Variants in SCARB2 observed in about 807,000 individuals in gnomAD.
SCARB2 encodes the protein scavenger receptor class B member 2, also known as lysosome membrane protein 2.
Under a neutral mutation model 58.6 loss-of-function variants are expected in SCARB2, and 29 were observed. The observed-to-expected ratio is 0.49, with a 90% confidence interval of 0.37 to 0.67. The LOEUF is 0.67. Ranked by LOEUF, SCARB2 falls within the 30% of genes least tolerant of loss-of-function variation. The probability of loss-of-function intolerance (pLI) is 0.00; values close to 1 mark genes in which losing one functional copy is unlikely to be tolerated. For missense variants in SCARB2, 488 were observed against 578.5 expected, an observed-to-expected ratio of 0.84 and a Z score of 1.60; for synonymous variants, 195 against 210.1, an observed-to-expected ratio of 0.93 and a Z score of 0.62.
intron 1 of SCARB2, among the ~76,000 whole-genome samples, chr4:76,196,420 G>T (rs1280176654): frequency 2.6e-5 from 4 of 152,180 alleles, no homozygotes; most frequent in African/African-American, 7.2e-5. Flanking sequence ...CACTTGGGCA[G>T]AAGCATGAAG....
intron 1 of SCARB2, among the ~76,000 whole-genome samples, chr4:76,202,774 T>C (rs1419097714): frequency 6.6e-6 from 1 of 152,264 alleles, no homozygotes; most frequent in Non-Finnish European, 1.5e-5. Context: ...ATATGTATTG[T>C]ATCATTTTTT....
chr4:76,208,379 G>A (rs1036307991), intron 1 of SCARB2, among the ~76,000 whole-genome samples: 11 of 152,358 alleles, frequency 7.2e-5, no homozygotes, highest in Admixed American at 5.9e-4. Context: ...AGAGAATCTT[G>A]CAAGGAAATT....
At chr4:76,226,407 G>GA (rs1733399304) in intron 1 of SCARB2, among the ~76,000 whole-genome samples, 1 of 152,180 alleles carries the variant, frequency 6.6e-6, no homozygotes, top group Admixed American at 6.5e-5. Context: ...ATCAATTTAT[G>GA]ATTTTGGGAG....
intron 9 of SCARB2, 85 bp downstream of exon 9, chr4:76,168,318 G>T: frequency 9.9e-7 from 1 of 1,014,592 alleles, no homozygotes; most frequent in Non-Finnish European, 1.6e-6. Flanking sequence ...AGATGAAGTA[G>T]GCTGTACTCC....
chr4:76,162,117 G>A (rs1004100786), intron 11 of SCARB2: 6 of 278,940 alleles, frequency 2.2e-5, no homozygotes, highest in Admixed American at 9.2e-5. Context: ...AATATATGAG[G>A]AAGGTTAATT....
chr4:76,176,474 G>A lies in SCARB2; in HGVS notation c.667C>T (p.Leu223Phe), dbSNP rs1472142413. The change falls in exon 5 of 12, where the codon CTT (leucine) becomes TTT (phenylalanine). Residue 223 changes from leucine to phenylalanine, a missense_variant. Coordinates refer to ENST00000264896, the MANE Select transcript of SCARB2 (RefSeq NM_005506.4). ...CATTCCACAATTTTTGTAAAGTTAA[G>A]GTAACTGTCTTCTCCAGTTAGAAAA... is the stretch of plus-strand genomic sequence containing the variant. ...YVFLTGEDSY[L>F]NFTKIVEWNG... 8.1e-6 allele frequency: 13 copies of A among 1,612,338 alleles called. No homozygotes were observed. The highest frequency in any genetic ancestry group is 1.3e-5 in the African/African-American group (1 of 74,878).
Position 76,161,354 on chromosome 4 carries a change from G to A in SCARB2, c.*359C>T, listed in dbSNP as rs1191790604. 1 of 307,244 alleles carries A rather than the reference G, an allele frequency of 3.3e-6. No individual in the cohort carries two copies. The highest frequency in any genetic ancestry group is 4.1e-5 in the South Asian group (1 of 24,378). The allele number at this position is 307,244 out of a possible 1,614,324, so 19.0% of individuals were successfully genotyped here. A position where few individuals can be genotyped will look rare whatever the true frequency, so the allele number is the denominator to read the frequency against. On this transcript the variant is annotated 3_prime_UTR_variant, in exon 12 of 12. Transcript: ENST00000264896. ...GTTCGGTGAATGAAGCATACTGAAT[G>A]AAGTTAGACCAGTAGCATTAACAAG... is the stretch of plus-strand genomic sequence containing the variant.
intron 10 of SCARB2, 125 bp downstream of exon 10, chr4:76,166,125 A>ATTAT (rs1250242697): frequency 1.6e-5 from 15 of 927,746 alleles, no homozygotes; most frequent in Non-Finnish European, 2.3e-5. Flanking sequence ...TTTTCTGAGG[A>ATTAT]ATAACAGGTT....
intron 1 of SCARB2, among the ~76,000 whole-genome samples, chr4:76,227,966 T>C (rs12505005): frequency 0.043 from 6,478 of 152,308 alleles, 179 homozygotes; most frequent in South Asian, 0.067. Flanking sequence ...ACCTGGTTAC[T>C]TGATTTTTAT....
At position 76,224,247 on chromosome 4, in the gene SCARB2, G is replaced by A. The variant is rs138154744; in HGVS notation, c.-358+10056C>T. 3.7e-4 allele frequency among the ~76,000 whole-genome samples: 57 copies of A among 152,250 alleles called. No homozygotes were observed. In the East Asian group the frequency reaches 7.3e-3, roughly 20 times the overall value. Reference sequence around the variant, plus strand: ...CACACATAGTTCATCCGAAATTCACGGGATAATTGGGCTGGCCATCTGTGT... The same window carrying A: ...CACACATAGTTCATCCGAAATTCACAGGATAATTGGGCTGGCCATCTGTGT... On this transcript the variant is annotated intron_variant, in intron 1 of 11. Coordinates refer to the SCARB2 transcript ENST00000638295.
rs370666555 is a variant in SCARB2, at chr4:76,175,799, G to C, written c.816C>G (p.Asp272Glu). ...ATCTTTAAAGCTTTTACCTGCAAAA[G>C]TCAGATGGGAAGACATAAAGGACCT... The part of the protein sequence containing the change: ...KDEVLYVFPS[D>E]FCRSVYITFS... The change falls in exon 6 of 12, where the codon GAC (aspartate) becomes GAG (glutamate). Residue 272 changes from aspartate (D) to glutamate (E), a missense_variant. Coordinates refer to ENST00000264896, the MANE Select transcript of SCARB2 (RefSeq NM_005506.4). 14 of 1,613,882 alleles carry C rather than the reference G, an allele frequency of 8.7e-6. No individual in the cohort carries two copies. Among genetic ancestry groups the C allele is most frequent in the South Asian group, 3.3e-5 (3 of 91,084 alleles).
chr4:76,224,559 TA>T, intron 1 of SCARB2, among the ~76,000 whole-genome samples: 1 of 152,286 alleles, frequency 6.6e-6, no homozygotes, highest in East Asian at 1.9e-4. Context: ...TATAACTTTT[TA>T]AAAAATCCTT....
Position 76,160,454 on chromosome 4 carries a change from A to G in SCARB2, c.*1259T>C, listed in dbSNP as rs1327169650. ...CCCTGTCTTAGGTTATGCTGAAACC[A>G]AGAAGTCCTTTGAAAAGTGGTGTCT... On this transcript the variant is annotated 3_prime_UTR_variant, in exon 12 of 12. Transcript: ENST00000264896. 1 of 152,236 alleles carries G rather than the reference A, an allele frequency of 6.6e-6. No individual in the cohort carries two copies. The allele number at this position is 152,236 out of a possible 1,614,324, so 9.4% of individuals were successfully genotyped here.
intron 2 of SCARB2, 66 bp from the exon 3 acceptor site, chr4:76,181,167 C>T: frequency 1.4e-6 from 2 of 1,472,312 alleles, no homozygotes; most frequent in Non-Finnish European, 1.9e-6. Flanking sequence ...CTTTTCCTTT[C>T]TTTCAGCATC....
intron 2 of SCARB2, among the ~76,000 whole-genome samples, chr4:76,181,905 G>C (rs185229529): frequency 6.6e-6 from 1 of 152,076 alleles, no homozygotes; most frequent in African/African-American, 2.4e-5. Context: ...TCAAGTTAGA[G>C]CCCCCAAATG....
intron 1 of SCARB2, among the ~76,000 whole-genome samples, chr4:76,210,982 T>C (rs1733032528): frequency 6.6e-6 from 1 of 152,236 alleles, no homozygotes. Flanking sequence ...GATTATATTA[T>C]AACTACATTA....
chr4:76,232,758 G>A (rs1733515063), intron 1 of SCARB2, among the ~76,000 whole-genome samples: 1 of 151,902 alleles, frequency 6.6e-6, no homozygotes, highest in Non-Finnish European at 1.5e-5. Context: ...CTAAAAGCCA[G>A]GTATCAGAAA....
At chr4:76,214,310 G>A, upstream of SCARB2, 1 of 456,176 alleles carries the variant, frequency 2.2e-6, no homozygotes, top group Non-Finnish European at 4.4e-6. Flanking sequence ...ATGACCTAGG[G>A]CCCCACATTG....
At chr4:76,168,702 G>A (rs1176825328) in intron 8 of SCARB2, among the ~76,000 whole-genome samples, 2 of 152,216 alleles carry the variant, frequency 1.3e-5, no homozygotes, top group East Asian at 3.8e-4. Context: ...TATGAATGTA[G>A]GTCCTTGGGA....
Sources: allele counts gnomAD v4.1 joint callset (sites outside exome capture counted in the v4.1 genomes callset), GRCh38; gene constraint gnomAD v4.1.1; transcripts MANE v1.5; gene names NCBI Gene and HGNC (gene_info 2026-07-23, HGNC 2026-07-21).